Variants in VPS16 observed in about 807,000 individuals in gnomAD.
VPS16 encodes vacuolar protein sorting-associated protein 16 homolog.
A neutral mutation model predicts 116.0 loss-of-function variants in VPS16; 82 were observed. That is an observed-to-expected ratio of 0.71 (90% CI 0.59 to 0.85). VPS16 has a LOEUF of 0.85. VPS16 is among the 40% of genes least tolerant of loss of function. The pLI is 0.00. For synonymous variants in VPS16, 406 were observed against 420.7 expected, an observed-to-expected ratio of 0.96 and a Z score of 0.43; for missense variants, 928 against 1,090.6, an observed-to-expected ratio of 0.85 and a Z score of 2.10.
In VPS16 at chr20:2,863,823, G is replaced by GAGAAAGAAAGAA. The variant is rs11473328; in HGVS notation, c.1477-121_1477-110dup. On this transcript the variant is annotated intron_variant, in intron 15 of 23. Coordinates refer to ENST00000380445, the MANE Select transcript of VPS16 (RefSeq NM_022575.4). The surrounding 1 kb of genome is among the most constrained non-coding windows in gnomAD (Gnocchi z 4.4). The stretch of plus-strand genomic sequence containing the variant: ...GGGAAAGAGAGAGAAAGAAGAAAGA[G>GAGAAAGAAAGAA]AGAAAGAAAGAAAGAAGAAGGAAGG... 8.5e-7 allele frequency: 1 copy of GAGAAAGAAAGAA among 1,177,914 alleles called. No homozygotes were observed. Among genetic ancestry groups the GAGAAAGAAAGAA allele is most frequent in the Admixed American group, 2.3e-5 (1 of 42,920 alleles). 73.0% of individuals were successfully genotyped at this position (1,177,914 alleles called of 1,614,324 possible).
chr20:2,866,582 A>G lies in VPS16; in HGVS notation c.*8A>G. ...CAAGCCCAGAAGAAGTGAGGAGTCC[A>G]TCCTGTACATCTCAAGCAAGGGGTT... is the stretch of plus-strand genomic sequence containing the variant. On this transcript the variant is annotated 3_prime_UTR_variant, in exon 24 of 24. Transcript: ENST00000380445. 6.2e-7 allele frequency: 1 copy of G among 1,613,744 alleles called. No individual in the cohort carries two copies. Among genetic ancestry groups the G allele is most frequent in the Non-Finnish European group, 8.5e-7 (1 of 1,179,882 alleles).
At chr20:2,842,342 G>A (rs1234048155) in intron 1 of VPS16, among the ~76,000 whole-genome samples, 2 of 151,846 alleles carry the variant, frequency 1.3e-5, no homozygotes, top group Admixed American at 6.6e-5. Flanking sequence ...TAGGCCAGGC[G>A]CAGTGGCTCA....
At chr20:2,854,943 G>A (rs560487836) in intron 1 of VPS16, among the ~76,000 whole-genome samples, 4 of 148,448 alleles carry the variant, frequency 2.7e-5, no homozygotes, top group East Asian at 2.0e-4. Context: ...GACCAGATAC[G>A]TTGTCAATGA....
Position 2,864,272 on chromosome 20 carries a change from G to A in VPS16, c.1705G>A (p.Gly569Arg), listed in dbSNP as rs781503007. Residue 569 changes from glycine to arginine, a missense_variant, in exon 17 of 24, where the codon GGG becomes AGG. By Grantham distance (125) the Gly-to-Arg change is moderately radical. Coordinates refer to ENST00000380445, the MANE Select transcript of VPS16 (RefSeq NM_022575.4). The surrounding 1 kb of genome is among the most constrained non-coding windows in gnomAD (Gnocchi z 5.2). ...KLALSKAIESGDTDLVFTVLL... is the reference protein window; with the variant it reads ...KLALSKAIESRDTDLVFTVLL... ...GGCACTAAGCAAGGCCATCGAGAGC[G>A]GGGACACTGACCTGGGTGAGGGCAA... The A allele has an allele frequency of 2.5e-5, 40 of 1,614,068 alleles. No homozygotes were observed. The highest frequency in any genetic ancestry group is 3.1e-5 in the Non-Finnish European group (36 of 1,180,042).
chr20:2,844,266 C>T (rs956855560), intron 1 of VPS16, among the ~76,000 whole-genome samples: 1 of 152,206 alleles, frequency 6.6e-6, no homozygotes, highest in African/African-American at 2.4e-5. Flanking sequence ...GGACTTGATA[C>T]ATGTCTGAGT....
In VPS16 at chr20:2,841,036, CA is replaced by C. The variant is rs2088965122; in HGVS notation, c.53+210del. ...CCAGAAAAGGAAACTGAGGCAAGCA[CA>C]GTGGTCACCCCGAAGCCCAGGTCTG... On this transcript the variant is annotated intron_variant, in intron 1 of 23. Coordinates refer to ENST00000380445, the MANE Select transcript of VPS16 (RefSeq NM_022575.4). The C allele has an allele frequency of 6.9e-6, 4 of 580,644 alleles. No homozygotes were observed. The South Asian group carries it at 8.2e-5, about 12-fold the overall frequency. The allele number at this position is 580,644 out of a possible 1,614,324, so 36.0% of individuals were successfully genotyped here. A position where few individuals can be genotyped will look rare whatever the true frequency, so the allele number is the denominator to read the frequency against.
chr20:2,862,923 C>T lies in VPS16; in HGVS notation c.1320C>T (p.Leu440=), dbSNP rs1600004002. ...GGGACTATCACATCGGGATCCCGCTCACCTATAGCCAGTATCCCTGTGCAC... is the reference window on the plus strand; with the variant it reads ...GGGACTATCACATCGGGATCCCGCTTACCTATAGCCAGTATCCCTGTGCAC... ...AVRDYHIGIP[L]TYSQYKQLTI... The change falls in exon 13 of 24, where the codon CTC becomes CTT. Residue 440 remains leucine (L), a synonymous_variant. Coordinates refer to ENST00000380445, the MANE Select transcript of VPS16 (RefSeq NM_022575.4). 9 of 1,613,880 alleles carry T rather than the reference C, an allele frequency of 5.6e-6. No homozygotes were observed. Among genetic ancestry groups the T allele is most frequent in the Non-Finnish European group, 6.8e-6 (8 of 1,179,840 alleles).
intron 1 of VPS16, among the ~76,000 whole-genome samples, chr20:2,854,568 C>T (rs550916831): frequency 1.7e-4 from 25 of 151,292 alleles, no homozygotes; most frequent in African/African-American, 6.1e-4. Flanking sequence ...CTGAGGCAGG[C>T]GAATCACTTG....
intron 11 of VPS16, 73 bp from the exon 12 acceptor site, chr20:2,862,506 C>A (rs749374297): frequency 1.9e-6 from 3 of 1,569,120 alleles, no homozygotes; most frequent in Admixed American, 1.8e-5. Context: ...GAACCACAAC[C>A]CAGAATGGTT....
rs755149640 is a variant in VPS16, at chr20:2,860,411, C to A, written c.370-38C>A. 2.2e-5 allele frequency: 36 copies of A among 1,614,000 alleles called. No homozygotes were observed. The African/African-American group carries it at 4.8e-4, about 22-fold the overall frequency. On this transcript the variant is annotated intron_variant, in intron 4 of 23. Transcript: ENST00000380445. The surrounding 1 kb of genome is among the most constrained non-coding windows in gnomAD (Gnocchi z 6.1). ...TGGGGACGCGGGGTAGAGTTTATGACCCTGTGGCTCCCTTAACCCATGGCC... is the reference window on the plus strand; with the variant it reads ...TGGGGACGCGGGGTAGAGTTTATGAACCTGTGGCTCCCTTAACCCATGGCC...
Position 2,865,400 on chromosome 20 carries a change from C to A in VPS16, c.2176C>A (p.Leu726Ile), listed in dbSNP as rs778179385. 1 of 1,614,068 alleles carries A rather than the reference C, an allele frequency of 6.2e-7. No homozygotes were observed. Among genetic ancestry groups the A allele is most frequent in the South Asian group, 1.1e-5 (1 of 91,066 alleles). The change falls in exon 22 of 24, where the codon CTC becomes ATC. Residue 726 changes from leucine to isoleucine, a missense_variant and splice_region_variant. By Grantham distance (5) the Leu-to-Ile change is conservative. Coordinates refer to ENST00000380445, the MANE Select transcript of VPS16 (RefSeq NM_022575.4). The surrounding 1 kb of genome is among the most constrained non-coding windows in gnomAD (Gnocchi z 5.2). The stretch of plus-strand genomic sequence containing the variant: ...CCTCCAAGCCCAGCTTTCCTGCAGG[C>A]TCTGGTGGCTGAAGCTGACTGCCCT... ...ARDFRIPDKR[L>I]WWLKLTALAD...
At chr20:2,842,050 C>G (rs1409876884) in intron 1 of VPS16, among the ~76,000 whole-genome samples, 2 of 152,148 alleles carry the variant, frequency 1.3e-5, no homozygotes, top group Non-Finnish European at 2.9e-5. Flanking sequence ...CCACTGAGCC[C>G]GGCCAAAAGC....
rs62205657 is a variant in VPS16 at position 2,842,829 on chromosome 20, T to G, written c.53+2002T>G. ...AGATGTATCTATCTATAGATAGACATATAGATGTATCTATCGATAGATAGA... is the reference window on the plus strand; with the variant it reads ...AGATGTATCTATCTATAGATAGACAGATAGATGTATCTATCGATAGATAGA... On this transcript the variant is annotated intron_variant, in intron 1 of 23. Transcript: ENST00000380445. Among the ~76,000 whole-genome samples, 6 of 3,388 alleles carry G rather than the reference T, an allele frequency of 1.8e-3. 1 individual carries two copies. Among genetic ancestry groups the G allele is most frequent in the South Asian group, 0.036 (1 of 28 alleles). The allele number at this position is 3,388 out of a possible 152,430, so 2.2% of individuals were successfully genotyped here.
At chr20:2,849,504 G>C (rs1345134286) in intron 1 of VPS16, among the ~76,000 whole-genome samples, 1 of 152,002 alleles carries the variant, frequency 6.6e-6, no homozygotes, top group African/African-American at 2.4e-5. Flanking sequence ...TCTCCATGTT[G>C]GCCAGGCTGG....
At position 2,863,051 on chromosome 20, in the gene VPS16, C is replaced by A. The variant is rs200748131; in HGVS notation, c.1332-14C>A. 3.1e-6 allele frequency: 5 copies of A among 1,614,032 alleles called. No individual in the cohort carries two copies. Among genetic ancestry groups the A allele is most frequent in the Non-Finnish European group, 4.2e-6 (5 of 1,180,026 alleles). On this transcript the variant is annotated splice_polypyrimidine_tract_variant and intron_variant, in intron 13 of 23. Coordinates refer to ENST00000380445, the MANE Select transcript of VPS16 (RefSeq NM_022575.4). This position sits in a 1 kb window ranked among gnomAD's most constrained non-coding sequence, Gnocchi z 4.4. ...CTTATTCTCCAACTGGATCCTTAAC[C>A]GAGGAAAATACAGATATAAGCAGCT... is the stretch of plus-strand genomic sequence containing the variant.
Position 2,864,419 on chromosome 20 carries a change from T to C in VPS16, c.1775T>C (p.Met592Thr). 3 of 1,614,164 alleles carry C rather than the reference T, an allele frequency of 1.9e-6. No homozygotes were observed. The highest frequency in any genetic ancestry group is 2.5e-6 in the Non-Finnish European group (3 of 1,180,024). Residue 592 changes from methionine (M) to threonine (T), a missense_variant, in exon 18 of 24, where the codon ATG (methionine) becomes ACG (threonine). Coordinates refer to ENST00000380445, the MANE Select transcript of VPS16 (RefSeq NM_022575.4). The surrounding 1 kb of genome is among the most constrained non-coding windows in gnomAD (Gnocchi z 5.2). ...KNELNRGDFF[M>T]TLRNQPMALS... ...GAGCTGAACCGAGGAGATTTTTTCA[T>C]GACCCTTCGGAATCAGCCCATGGCC...
At position 2,863,812 on chromosome 20, in the gene VPS16, A is replaced by C; in HGVS notation, c.1477-137A>C. The C allele has an allele frequency of 8.1e-7, 1 of 1,227,040 alleles. No individual in the cohort carries two copies. 76.0% of individuals were successfully genotyped at this position (1,227,040 alleles called of 1,614,324 possible). A position where few individuals can be genotyped will look rare whatever the true frequency, so the allele number is the denominator to read the frequency against. On this transcript the variant is annotated intron_variant, in intron 15 of 23. Coordinates refer to ENST00000380445, the MANE Select transcript of VPS16 (RefSeq NM_022575.4). The surrounding 1 kb of genome is among the most constrained non-coding windows in gnomAD (Gnocchi z 4.4). The stretch of plus-strand genomic sequence containing the variant: ...GCGGAGGAGGAGGGAAAGAGAGAGA[A>C]AGAAGAAAGAGAGAAAGAAAGAAAG...
In VPS16 at chr20:2,844,746, G is replaced by A. The variant is rs116071154; in HGVS notation, c.53+3919G>A. On this transcript the variant is annotated intron_variant, in intron 1 of 23. Transcript: ENST00000380445. ...ATCCAGGGGATGAGTAGATGTAGGT[G>A]CATGAAGTGGGATGGAGGTGGAGAA... is the stretch of plus-strand genomic sequence containing the variant. Among the ~76,000 whole-genome samples, 745 of 152,264 alleles carry A rather than the reference G, an allele frequency of 4.9e-3. 6 individuals are homozygous for A. Among genetic ancestry groups the A allele is most frequent in the African/African-American group, 0.017 (693 of 41,538 alleles).
intron 1 of VPS16, among the ~76,000 whole-genome samples, chr20:2,844,433 G>A (rs140077051): frequency 2.1e-4 from 32 of 152,282 alleles, no homozygotes; most frequent in African/African-American, 7.0e-4. Context: ...GACTCCAGAA[G>A]TTAAGCTATT....
Sources: allele counts gnomAD v4.1 joint callset (sites outside exome capture counted in the v4.1 genomes callset), GRCh38; gene constraint gnomAD v4.1.1; non-coding constraint Gnocchi (gnomAD v3.1); transcripts MANE v1.5; gene names NCBI Gene and HGNC (gene_info 2026-07-23, HGNC 2026-07-21).